The following NT5E variants were observed in gnomAD, a reference collection of about 807,000 sequenced individuals.
NT5E encodes the protein 5'-nucleotidase ecto.
In NT5E, 53 loss-of-function variants were observed where a neutral mutation model predicts 55.1. That is an observed-to-expected ratio of 0.96 (90% CI 0.77 to 1.21). The LOEUF (loss-of-function observed/expected upper bound fraction) is 1.21, where lower values mean the gene tolerates loss of function less well. Among genes scored for constraint, NT5E ranks in the 50% most tolerant of loss-of-function variants. The pLI is 0.00. For missense variants in NT5E, 683 were observed against 724.3 expected (o/e 0.94, Z 0.65); for synonymous variants, 270 against 278.4 (o/e 0.97, Z 0.30).
chr6:85,454,756 A>T (rs776603757), intron 1 of NT5E, among the ~76,000 whole-genome samples: 4 of 152,180 alleles, frequency 2.6e-5, no homozygotes, highest in Non-Finnish European at 5.9e-5. Flanking sequence ...AACACTCCTC[A>T]CTGGAAATTC....
intron 1 of NT5E, among the ~76,000 whole-genome samples, chr6:85,459,308 C>G (rs1248875772): frequency 6.6e-6 from 1 of 152,226 alleles, no homozygotes; most frequent in Non-Finnish European, 1.5e-5. Flanking sequence ...CCTGCAACCT[C>G]AGCCCTTAAC....
chr6:85,480,374 T>C (rs1433985396), intron 3 of NT5E, among the ~76,000 whole-genome samples: 1 of 152,224 alleles, frequency 6.6e-6, no homozygotes, highest in Non-Finnish European at 1.5e-5. Context: ...TAACAGTACC[T>C]GACCCCTCAA....
chr6:85,460,438 T>G (rs1262930334), intron 1 of NT5E, among the ~76,000 whole-genome samples: 1 of 152,250 alleles, frequency 6.6e-6, no homozygotes, highest in Non-Finnish European at 1.5e-5. Flanking sequence ...ATTTATTGGT[T>G]TTTTCACAAC....
chr6:85,450,094 C>G lies in NT5E; in HGVS notation c.-46C>G, dbSNP rs1417040033. ...AGCTGCTCGCCCCTACTCGCCGGCA[C>G]TCGCCCGGCTCGCCCGCTTTCGCAC... On this transcript the variant is annotated 5_prime_UTR_variant, in exon 1 of 9. Transcript: ENST00000257770. The surrounding 1 kb of genome is among the most constrained non-coding windows in gnomAD (Gnocchi z 4.0). 1.3e-6 allele frequency: 2 copies of G among 1,490,124 alleles called. No homozygotes were observed. Among genetic ancestry groups the G allele is most frequent in the East Asian group, 2.5e-5 (1 of 40,436 alleles). The allele number at this position is 1,490,124 out of a possible 1,614,324, so 92.3% of individuals were successfully genotyped here.
Position 85,450,155 on chromosome 6 carries a change from G to C in NT5E, c.16G>C (p.Ala6Pro). 1.9e-6 allele frequency: 3 copies of C among 1,587,248 alleles called. No individual in the cohort carries two copies. MCPRA[A>P]RAPATLLLAL... is the part of the protein sequence containing the mutation. ...CGCCACAGCTATGTGTCCCCGAGCC[G>C]CGCGGGCGCCCGCGACGCTACTCCT... Residue 6 changes from alanine (A) to proline (P), a missense_variant, in exon 1 of 9, where the codon GCG (alanine) becomes CCG (proline). Physicochemically the swap from Ala to Pro is conservative, Grantham distance 27. Coordinates refer to ENST00000257770, the MANE Select transcript of NT5E (RefSeq NM_002526.4). The surrounding 1 kb of genome is among the most constrained non-coding windows in gnomAD (Gnocchi z 4.0).
At chr6:85,489,918 C>T (rs572471239) in intron 6 of NT5E, among the ~76,000 whole-genome samples, 1 of 152,268 alleles carries the variant, frequency 6.6e-6, no homozygotes, top group South Asian at 2.1e-4. Context: ...TGCAAAATAA[C>T]AACAGTCACC....
rs1425186806 is a variant in NT5E, at chr6:85,487,327, T to C, written c.950-8T>C. The C allele has an allele frequency of 1.9e-6, 3 of 1,611,984 alleles. No individual in the cohort carries two copies. Among genetic ancestry groups the C allele is most frequent in the South Asian group, 2.2e-5 (2 of 91,004 alleles). On this transcript the variant is annotated splice_region_variant and splice_polypyrimidine_tract_variant and intron_variant, in intron 4 of 8. Transcript: ENST00000257770. ...TAATTGTAGGGTACCTTCTTTTCTT[T>C]CTTCTAGATCCAAGCATAAAAGCAG...
chr6:85,493,165 G>A (rs952163764), intron 8 of NT5E, among the ~76,000 whole-genome samples: 1 of 152,178 alleles, frequency 6.6e-6, no homozygotes, highest in African/African-American at 2.4e-5. Flanking sequence ...AATCACTTCA[G>A]GAGCATTTTA....
At chr6:85,469,109 A>AT (rs1245375635) in intron 2 of NT5E, among the ~76,000 whole-genome samples, 2 of 152,228 alleles carry the variant, frequency 1.3e-5, no homozygotes, top group African/African-American at 2.4e-5. Flanking sequence ...TATAACCTGT[A>AT]TTTCTAGCAC....
chr6:85,474,573 A>T (rs1769387204), intron 3 of NT5E, among the ~76,000 whole-genome samples: 1 of 152,222 alleles, frequency 6.6e-6, no homozygotes, highest in African/African-American at 2.4e-5. Context: ...GCTTACCAAG[A>T]TTAAACTTGT....
chr6:85,470,724 G>A (rs892046403), intron 2 of NT5E, among the ~76,000 whole-genome samples: 1 of 152,228 alleles, frequency 6.6e-6, no homozygotes, highest in Non-Finnish European at 1.5e-5. Context: ...TTACAAGCGT[G>A]AGCCACTGTG....
intron 8 of NT5E, among the ~76,000 whole-genome samples, chr6:85,492,560 G>C (rs924256521): frequency 6.6e-6 from 1 of 152,128 alleles, no homozygotes; most frequent in Non-Finnish European, 1.5e-5. Context: ...TCTTGAAGAA[G>C]TTTCTGTGTG....
chr6:85,450,514 G>A lies in NT5E; in HGVS notation c.339+36G>A, dbSNP rs772793669. 1 of 1,543,700 alleles carries A rather than the reference G, an allele frequency of 6.5e-7. No homozygotes were observed. The highest frequency in any genetic ancestry group is 8.8e-7 in the Non-Finnish European group (1 of 1,137,160). On this transcript the variant is annotated intron_variant, in intron 1 of 8. Coordinates refer to ENST00000257770, the MANE Select transcript of NT5E (RefSeq NM_002526.4). This position sits in a 1 kb window ranked among gnomAD's most constrained non-coding sequence, Gnocchi z 4.0. ...AGCCCGCGCCCGGGATAGTAGTCCC[G>A]GACTGAGAGAGGAGCCGGGCTGGAA...
chr6:85,489,599 G>A lies in NT5E; in HGVS notation c.1210G>A (p.Gly404Ser). 2 of 1,607,098 alleles carry A rather than the reference G, an allele frequency of 1.2e-6. No individual in the cohort carries two copies. The highest frequency in any genetic ancestry group is 1.7e-6 in the Non-Finnish European group (2 of 1,174,030). The change falls in exon 6 of 9, where the codon GGC becomes AGC. Residue 404 changes from glycine to serine, a missense_variant and splice_region_variant. Physicochemically the swap from Gly to Ser is moderately conservative, Grantham distance 56. Coordinates refer to ENST00000257770, the MANE Select transcript of NT5E (RefSeq NM_002526.4). Reference protein sequence around the residue: ...IRSPIDERNNGTITWENLAAV... With the variant: ...IRSPIDERNNSTITWENLAAV... ...GTCGCCCATTGATGAACGCAACAAT[G>A]GTATGCTCCCAGGCCCAGCTCCTCA...
chr6:85,457,566 G>A (rs913191144), intron 1 of NT5E, among the ~76,000 whole-genome samples: 15 of 152,102 alleles, frequency 9.9e-5, no homozygotes, highest in African/African-American at 1.4e-4. Context: ...GAGAGATAGC[G>A]TAGGTCTTTC....
intron 1 of NT5E, among the ~76,000 whole-genome samples, chr6:85,455,290 C>T (rs565353867): frequency 2.0e-5 from 3 of 152,218 alleles, no homozygotes; most frequent in Admixed American, 1.3e-4. Flanking sequence ...GGTGAGATCC[C>T]TAGATAGCTT....
At chr6:85,473,234 G>C (rs1461777098) in intron 3 of NT5E, among the ~76,000 whole-genome samples, 1 of 152,136 alleles carries the variant, frequency 6.6e-6, no homozygotes, top group African/African-American at 2.4e-5. Context: ...TACCACTAAT[G>C]GTGGGGTCCT....
At chr6:85,490,434 T>C (rs1250824853) in intron 6 of NT5E, 74 bp from the exon 7 acceptor site, 1 of 1,553,514 alleles carries the variant, frequency 6.4e-7, no homozygotes, top group African/African-American at 1.4e-5. Flanking sequence ...CCCCCAGCGC[T>C]GAGGGAAACT....
At chr6:85,477,405 T>C (rs761988567) in intron 3 of NT5E, among the ~76,000 whole-genome samples, 2 of 152,168 alleles carry the variant, frequency 1.3e-5, no homozygotes, top group African/African-American at 2.4e-5. Flanking sequence ...GAATATAAAA[T>C]TCAAAACTTT....
Sources: gnomAD v4.1 joint callset for allele counts (sites outside exome capture counted in the v4.1 genomes callset) on GRCh38, gnomAD v4.1.1 for gene constraint, Gnocchi (gnomAD v3.1) non-coding constraint, MANE v1.5 for transcripts, NCBI Gene and HGNC (gene_info 2026-07-23, HGNC 2026-07-21) for gene names.